The following ROBO2 variants were observed in gnomAD, a reference collection of about 807,000 sequenced individuals.
ROBO2 encodes the protein roundabout guidance receptor 2.
Under a neutral mutation model 160.8 loss-of-function variants are expected in ROBO2, and 53 were observed. The ratio of observed to expected loss-of-function variants is 0.33; its 90% CI spans 0.26 to 0.41. The LOEUF is 0.41. ROBO2 is among the 10% of genes least tolerant of loss of function. The pLI is 1.00. For synonymous variants in ROBO2, 664 were observed against 611.7 expected (o/e 1.09, Z -1.26); for missense variants, 1,577 against 1,722.4 (o/e 0.92, Z 1.49).
chr3:77,077,692 T>C (rs1446212925), intron 1 of ROBO2, among the ~76,000 whole-genome samples: 2 of 152,316 alleles, frequency 1.3e-5, no homozygotes, highest in African/African-American at 4.8e-5. Flanking sequence ...TTTTTCAGAG[T>C]AGCATGCAGT....
chr3:76,374,337 GAATCCCTTTCAAAAACCC>G lies in ROBO2; in HGVS notation c.109+436737_109+436754del, dbSNP rs2076244053. On this transcript the variant is annotated intron_variant, in intron 2 of 26. Coordinates refer to the ROBO2 transcript ENST00000487694. ...TTAATCCTTTTTCTGCCTGGGATCTGAATCCCTTTCAAAAACCCACATTTATTTAGGTCAAATAATTAA... is the reference window on the plus strand; with the variant it reads ...TTAATCCTTTTTCTGCCTGGGATCTGACATTTATTTAGGTCAAATAATTAA... Among the ~76,000 whole-genome samples the G allele has an allele frequency of 2.6e-5, 4 of 151,996 alleles. No individual in the cohort carries two copies. The South Asian group carries it at 8.3e-4, about 32-fold the overall frequency.
intron 6 of ROBO2, among the ~76,000 whole-genome samples, chr3:77,532,190 C>G (rs1345070177): frequency 6.6e-6 from 1 of 151,548 alleles, no homozygotes; most frequent in East Asian, 1.9e-4. Context: ...GAGGCTGGGT[C>G]TTAAATTACT....
chr3:76,161,011 C>T (rs765149322), intron 2 of ROBO2, among the ~76,000 whole-genome samples: 1 of 152,044 alleles, frequency 6.6e-6, no homozygotes, highest in East Asian at 1.9e-4. Flanking sequence ...ACCAACAGAA[C>T]GGTTAATGAA....
Position 76,350,050 on chromosome 3 carries a change from A to G in ROBO2, c.109+412448A>G, listed in dbSNP as rs2074780286. ...CAAAAGATAGTTTGAAACAAATACC[A>G]TCAGTACCTTTGCTCACAAACAAGC... On this transcript the variant is annotated intron_variant, in intron 2 of 26. Coordinates refer to the ROBO2 transcript ENST00000487694. 2.0e-5 allele frequency among the ~76,000 whole-genome samples: 3 copies of G among 152,024 alleles called. No individual in the cohort carries two copies. The South Asian group carries it at 6.2e-4, about 31-fold the overall frequency.
chr3:77,164,826 G>A, intron 2 of ROBO2, among the ~76,000 whole-genome samples: 1 of 37,458 alleles, frequency 2.7e-5, no homozygotes, highest in South Asian at 8.7e-4. Flanking sequence ...CTGCCCGGCT[G>A]CCCCTACTGG....
intron 2 of ROBO2, among the ~76,000 whole-genome samples, chr3:76,166,299 A>G (rs911223655): frequency 8.5e-5 from 13 of 152,204 alleles, no homozygotes; most frequent in African/African-American, 2.9e-4. Flanking sequence ...AAGAGTCCCA[A>G]TACATGGGAC....
chr3:76,007,948 C>A (rs2066072516), intron 2 of ROBO2, among the ~76,000 whole-genome samples: 1 of 151,846 alleles, frequency 6.6e-6, no homozygotes, highest in Admixed American at 6.6e-5. Flanking sequence ...ATTTTTAAAA[C>A]TGATGCTAAA....
chr3:77,580,680 G>C (rs1270702390), intron 16 of ROBO2, among the ~76,000 whole-genome samples: 3 of 151,970 alleles, frequency 2.0e-5, no homozygotes, highest in Admixed American at 6.6e-5. Context: ...TTTTAAATCT[G>C]GTTTCTTTCA....
intron 2 of ROBO2, among the ~76,000 whole-genome samples, chr3:76,993,148 A>C (rs2060788872): frequency 1.3e-5 from 2 of 152,180 alleles, no homozygotes; most frequent in Admixed American, 1.3e-4. Context: ...AGCTAGAAGA[A>C]AAAAAGTTTC....
chr3:76,479,435 G>A (rs1410320814), intron 2 of ROBO2, among the ~76,000 whole-genome samples: 1 of 152,070 alleles, frequency 6.6e-6, no homozygotes, highest in Non-Finnish European at 1.5e-5. Flanking sequence ...TGTTTTATAA[G>A]CTTCAGTGAC....
intron 2 of ROBO2, among the ~76,000 whole-genome samples, chr3:76,616,125 C>T (rs1378481169): frequency 1.3e-5 from 2 of 152,174 alleles, no homozygotes; most frequent in Non-Finnish European, 2.9e-5. Flanking sequence ...AACTATAGCT[C>T]AATGCCTTTT....
intron 2 of ROBO2, among the ~76,000 whole-genome samples, chr3:77,390,604 C>A (rs1025435593): frequency 1.3e-5 from 2 of 152,134 alleles, no homozygotes; most frequent in Non-Finnish European, 2.9e-5. Flanking sequence ...GTCCATTAAA[C>A]CTCTTTCCTT....
intron 2 of ROBO2, among the ~76,000 whole-genome samples, chr3:75,973,585 C>T (rs2065052807): frequency 6.6e-6 from 1 of 151,470 alleles, no homozygotes; most frequent in Non-Finnish European, 1.5e-5. Flanking sequence ...ACCCTGTTAC[C>T]TGAATATGAA....
chr3:77,608,784 A>G (rs1389824309), intron 21 of ROBO2, among the ~76,000 whole-genome samples: 1 of 152,090 alleles, frequency 6.6e-6, no homozygotes, highest in Admixed American at 6.5e-5. Flanking sequence ...CTAAAAATAC[A>G]GAAAAAAAGC....
intron 2 of ROBO2, among the ~76,000 whole-genome samples, chr3:76,145,924 T>C (rs2071869385): frequency 6.6e-6 from 1 of 152,042 alleles, no homozygotes; most frequent in Non-Finnish European, 1.5e-5. Context: ...ATAGAATTTA[T>C]GAACAATAGT....
chr3:77,630,795 T>G (rs1247352127), intron 23 of ROBO2: 1 of 151,882 alleles, frequency 6.6e-6, no homozygotes, highest in Non-Finnish European at 1.5e-5. Context: ...AGATGCTTAT[T>G]TGGAAAGTAA....
At chr3:76,522,871 C>T (rs1372760648) in intron 2 of ROBO2, among the ~76,000 whole-genome samples, 1 of 151,668 alleles carries the variant, frequency 6.6e-6, no homozygotes, top group African/African-American at 2.4e-5. Context: ...GTCATATCCC[C>T]CTCATTTCCA....
At chr3:76,059,730 C>A (rs2068000587) in intron 2 of ROBO2, among the ~76,000 whole-genome samples, 1 of 152,140 alleles carries the variant, frequency 6.6e-6, no homozygotes, top group African/African-American at 2.4e-5. Context: ...TTGCCCATGC[C>A]TATGTCCTGA....
intron 2 of ROBO2, among the ~76,000 whole-genome samples, chr3:77,119,124 A>G (rs12374014): frequency 0.2 from 30,500 of 152,016 alleles, 4,663 homozygotes; most frequent in African/African-American, 0.42. Flanking sequence ...TTCTCCTGCC[A>G]CCTTGTGAAG....
Sources: allele counts gnomAD v4.1 joint callset (sites outside exome capture counted in the v4.1 genomes callset), GRCh38; gene constraint gnomAD v4.1.1; transcripts MANE v1.5; gene names NCBI Gene and HGNC (gene_info 2026-07-23, HGNC 2026-07-21).